Variants in PPP2R3A observed in about 807,000 individuals in gnomAD.
The protein encoded by PPP2R3A is protein phosphatase 2 regulatory subunit B''alpha.
A neutral mutation model predicts 106.9 loss-of-function variants in PPP2R3A; 80 were observed. The observed-to-expected ratio is 0.75, with a 90% CI of 0.62 to 0.90. The LOEUF (loss-of-function observed/expected upper bound fraction) is 0.90, where lower values mean the gene tolerates loss of function less well. Ranked by LOEUF, PPP2R3A falls within the 40% of genes least tolerant of loss-of-function variation. The pLI is 0.00. For missense variants in PPP2R3A, 1,386 were observed against 1,350.4 expected, an observed-to-expected ratio of 1.03 and a Z score of -0.41; for synonymous variants, 483 against 468.3, an observed-to-expected ratio of 1.03 and a Z score of -0.41.
At chr3:136,052,341 C>G (rs1429325782) in intron 5 of PPP2R3A, among the ~76,000 whole-genome samples, 2 of 152,146 alleles carry the variant, frequency 1.3e-5, no homozygotes, top group Non-Finnish European at 2.9e-5. Flanking sequence ...CTTCCCTGCT[C>G]TCTGCCTCGG....
chr3:136,128,358 G>A, intron 13 of PPP2R3A, among the ~76,000 whole-genome samples: 1 of 151,202 alleles, frequency 6.6e-6, no homozygotes. Flanking sequence ...AAAAAAAGGA[G>A]GGGTTGCATC....
At chr3:136,027,226 A>T in intron 3 of PPP2R3A, 128 bp downstream of exon 3, 1 of 857,450 alleles carries the variant, frequency 1.2e-6, no homozygotes, top group Non-Finnish European at 1.7e-6. Context: ...CATGCATGGA[A>T]TTGTTGTTGT....
At chr3:136,058,024 A>G (rs1193159916) in intron 5 of PPP2R3A, among the ~76,000 whole-genome samples, 1 of 152,230 alleles carries the variant, frequency 6.6e-6, no homozygotes, top group South Asian at 2.1e-4. Flanking sequence ...ATTATTCACA[A>G]TAGCCAAAAT....
chr3:136,042,446 TTATC>T (rs970307857), intron 4 of PPP2R3A, among the ~76,000 whole-genome samples: 54 of 152,270 alleles, frequency 3.5e-4, no homozygotes, highest in African/African-American at 1.3e-3. Flanking sequence ...CAGCACGTGT[TTATC>T]TATGTAACAG....
chr3:136,099,102 T>C (rs576738010), intron 10 of PPP2R3A, among the ~76,000 whole-genome samples: 26 of 152,220 alleles, frequency 1.7e-4, no homozygotes, highest in Admixed American at 1.4e-3. Flanking sequence ...GCCCTGAACC[T>C]CCAAGCAAGA....
chr3:136,033,243 A>G (rs1934969064), intron 3 of PPP2R3A, among the ~76,000 whole-genome samples: 1 of 152,180 alleles, frequency 6.6e-6, no homozygotes. Context: ...ATCATGGTGG[A>G]TTATCTGTTT....
chr3:136,074,735 T>G (rs1041343363), intron 6 of PPP2R3A, among the ~76,000 whole-genome samples: 2 of 152,242 alleles, frequency 1.3e-5, no homozygotes, highest in African/African-American at 4.8e-5. Context: ...CACTGTAGGC[T>G]GAAATGCCAG....
At chr3:136,045,106 C>G (rs558619457) in intron 4 of PPP2R3A, among the ~76,000 whole-genome samples, 1 of 152,182 alleles carries the variant, frequency 6.6e-6, no homozygotes, top group Non-Finnish European at 1.5e-5. Flanking sequence ...AGGACCAGGG[C>G]GTATCTGATC....
chr3:136,114,068 G>A lies in PPP2R3A; in HGVS notation c.3329+7746G>A, dbSNP rs941889024. Among the ~76,000 whole-genome samples, 3 of 152,284 alleles carry A rather than the reference G, an allele frequency of 2.0e-5. No individual in the cohort carries two copies. The South Asian group carries it at 6.2e-4, about 32-fold the overall frequency. Reference sequence around the variant, plus strand: ...TCTGCATTCCCCGCTGAGGTACCCAGTTCATCTCATTGGGACTGGTTGGAC... The same window carrying A: ...TCTGCATTCCCCGCTGAGGTACCCAATTCATCTCATTGGGACTGGTTGGAC... On this transcript the variant is annotated intron_variant, in intron 13 of 13. Transcript: ENST00000264977.
At chr3:136,062,797 C>CATGCTCAT (rs1936121880) in intron 5 of PPP2R3A, among the ~76,000 whole-genome samples, 1 of 151,666 alleles carries the variant, frequency 6.6e-6, no homozygotes, top group African/African-American at 2.4e-5. Flanking sequence ...AAGAACATTC[C>CATGCTCAT]ATGCTCATGG....
At chr3:136,006,853 C>T (rs1360891794) in intron 2 of PPP2R3A, among the ~76,000 whole-genome samples, 2 of 152,162 alleles carry the variant, frequency 1.3e-5, no homozygotes, top group African/African-American at 4.8e-5. Flanking sequence ...TCAAGGGCAA[C>T]AAAAATTGTT....
intron 10 of PPP2R3A, among the ~76,000 whole-genome samples, chr3:136,093,760 C>T (rs1026475654): frequency 6.6e-6 from 1 of 152,190 alleles, no homozygotes; most frequent in African/African-American, 2.4e-5. Context: ...TGCTGCCAAG[C>T]AGGTGGAAAA....
chr3:136,093,303 G>A (rs1559916131), intron 10 of PPP2R3A, among the ~76,000 whole-genome samples: 1 of 152,184 alleles, frequency 6.6e-6, no homozygotes, highest in Non-Finnish European at 1.5e-5. Flanking sequence ...CAGCTACTTG[G>A]GAGGCTGAGG....
chr3:136,121,098 A>G (rs1411347193), intron 13 of PPP2R3A, among the ~76,000 whole-genome samples: 2 of 152,198 alleles, frequency 1.3e-5, no homozygotes, highest in African/African-American at 4.8e-5. Context: ...TACCCAAAGG[A>G]AAATAAATGA....
At chr3:136,097,347 A>T (rs1451032796) in intron 10 of PPP2R3A, among the ~76,000 whole-genome samples, 1 of 152,242 alleles carries the variant, frequency 6.6e-6, no homozygotes, top group Non-Finnish European at 1.5e-5. Context: ...CCACTGAGGC[A>T]GCCTGTTCAT....
intron 13 of PPP2R3A, among the ~76,000 whole-genome samples, chr3:136,135,148 G>C (rs1345003787): frequency 6.6e-6 from 1 of 152,008 alleles, no homozygotes; most frequent in Non-Finnish European, 1.5e-5. Flanking sequence ...AGGTGAGGAG[G>C]GGTCACAAGA....
At chr3:136,041,238 G>GTTTTTTTTTTTTTTTTTTTTTTTTT (rs67116006) in intron 4 of PPP2R3A, among the ~76,000 whole-genome samples, 6 of 92,904 alleles carry the variant, frequency 6.5e-5, no homozygotes, top group Admixed American at 1.1e-4. Flanking sequence ...GGTTTTTCTT[G>GTTTTTTTTTTTTTTTTTTTTTTTTT]TTTTTTTTTT....
intron 10 of PPP2R3A, among the ~76,000 whole-genome samples, chr3:136,097,871 G>A (rs1937252411): frequency 6.6e-6 from 1 of 152,070 alleles, no homozygotes; most frequent in Non-Finnish European, 1.5e-5. Context: ...ATGTATTGCA[G>A]CCCTCTGCTT....
At chr3:136,076,942 G>A (rs1317872692) in intron 6 of PPP2R3A, among the ~76,000 whole-genome samples, 6 of 145,830 alleles carry the variant, frequency 4.1e-5, no homozygotes, top group Non-Finnish European at 7.4e-5. Context: ...GTGAGACTCC[G>A]TCTCAGAAAG....
Sources: allele counts gnomAD v4.1 joint callset (sites outside exome capture counted in the v4.1 genomes callset), GRCh38; gene constraint gnomAD v4.1.1; transcripts MANE v1.5; gene names NCBI Gene and HGNC (gene_info 2026-07-23, HGNC 2026-07-21).